KLHL14: variants seen among roughly 807,000 people sequenced by gnomAD.
The protein encoded by KLHL14 is kelch-like protein 14.
Under a neutral mutation model 64.3 loss-of-function variants are expected in KLHL14, and 22 were observed. The ratio of observed to expected loss-of-function variants is 0.34; its 90% CI spans 0.24 to 0.49. The LOEUF (loss-of-function observed/expected upper bound fraction) is 0.49, where lower values mean the gene tolerates loss of function less well. KLHL14 is among the 20% of genes least tolerant of loss of function. The probability of loss-of-function intolerance (pLI) is 0.99; values close to 1 mark genes in which losing one functional copy is unlikely to be tolerated. For missense variants in KLHL14, 661 were observed against 789.0 expected, an observed-to-expected ratio of 0.84 and a Z score of 1.94; for synonymous variants, 322 against 333.4, an observed-to-expected ratio of 0.97 and a Z score of 0.37.
intron 1 of KLHL14, among the ~76,000 whole-genome samples, chr18:32,771,874 C>T (rs567777036): frequency 6.6e-6 from 1 of 152,154 alleles, no homozygotes; most frequent in South Asian, 2.1e-4. Flanking sequence ...CCGCAGCTCC[C>T]TTCTGACCCC....
At chr18:32,719,239 C>T (rs202214755) in intron 3 of KLHL14, among the ~76,000 whole-genome samples, 7 of 152,250 alleles carry the variant, frequency 4.6e-5, no homozygotes, top group Admixed American at 3.3e-4. Flanking sequence ...TAAGCCACTG[C>T]GCCCAGCTGG....
At position 32,695,642 on chromosome 18, in the gene KLHL14, G is replaced by A. The variant is rs1036220720; in HGVS notation, c.1070-90C>T. ...CACTGGCTATTTGTTTCACTGAAGTGCATAAAATGTGAGACTGAGTCAGAG... is the reference window on the plus strand; with the variant it reads ...CACTGGCTATTTGTTTCACTGAAGTACATAAAATGTGAGACTGAGTCAGAG... On this transcript the variant is annotated intron_variant, in intron 3 of 8. Transcript: ENST00000359358. The A allele has an allele frequency of 3.3e-5, 26 of 782,568 alleles. No homozygotes were observed. In the Middle Eastern group the frequency reaches 1.4e-3, roughly 42 times the overall value. 48.5% of individuals were successfully genotyped at this position (782,568 alleles called of 1,614,324 possible). A position where few individuals can be genotyped will look rare whatever the true frequency, so the allele number is the denominator to read the frequency against.
intron 4 of KLHL14, among the ~76,000 whole-genome samples, chr18:32,691,647 C>A (rs1286395581): frequency 6.6e-6 from 1 of 152,044 alleles, no homozygotes; most frequent in Non-Finnish European, 1.5e-5. Flanking sequence ...GGATAATGAA[C>A]CTCAGGAAGA....
intron 4 of KLHL14, 102 bp downstream of exon 4, chr18:32,695,361 A>G: frequency 1.3e-6 from 1 of 752,794 alleles, no homozygotes; most frequent in South Asian, 1.5e-5. Context: ...CCCGTTGCAC[A>G]GAAATGTATT....
At chr18:32,700,539 C>T (rs985178777) in intron 3 of KLHL14, among the ~76,000 whole-genome samples, 6 of 152,276 alleles carry the variant, frequency 3.9e-5, no homozygotes, top group African/African-American at 1.4e-4. Flanking sequence ...ACACAAATGG[C>T]AGCAGCATAC....
intron 3 of KLHL14, among the ~76,000 whole-genome samples, chr18:32,712,808 A>G (rs2050026389): frequency 6.6e-6 from 1 of 152,112 alleles, no homozygotes; most frequent in East Asian, 1.9e-4. Flanking sequence ...ATTAACCTTC[A>G]TGTTGCTAAA....
intron 8 of KLHL14, among the ~76,000 whole-genome samples, chr18:32,675,079 G>T (rs2049804779): frequency 6.6e-6 from 1 of 152,080 alleles, no homozygotes; most frequent in South Asian, 2.1e-4. Flanking sequence ...AATTGGCTGG[G>T]CCCAGTGGCT....
In KLHL14 at chr18:32,770,392, G is replaced by A. The variant is rs2050376326; in HGVS notation, c.200C>T (p.Pro67Leu). The A allele has an allele frequency of 1.9e-6, 3 of 1,595,562 alleles. No homozygotes were observed. The highest frequency in any genetic ancestry group is 1.3e-5 in the African/African-American group (1 of 74,666). The change falls in exon 2 of 9, where the codon CCT becomes CTT. Residue 67 changes from proline to leucine, a missense_variant. Physicochemically the swap from Pro to Leu is moderately conservative, Grantham distance 98. Transcript: ENST00000359358. The surrounding 1 kb of genome is among the most constrained non-coding windows in gnomAD (Gnocchi z 6.7). ...CTGGCCGCCGACCCCTCCCCCGAGA[G>A]GGGGGTGGCTGGAGAAGAGCGATCG... is the stretch of plus-strand genomic sequence containing the variant. ...YFRSLFSSHPPLGGGVGGQDG... is the reference protein window; with the variant it reads ...YFRSLFSSHPLLGGGVGGQDG...
At chr18:32,752,102 G>A (rs1202119112) in intron 2 of KLHL14, among the ~76,000 whole-genome samples, 2 of 152,040 alleles carry the variant, frequency 1.3e-5, no homozygotes, top group Non-Finnish European at 2.9e-5. Flanking sequence ...ACTCCAGGCT[G>A]GGCAACAGAG....
intron 2 of KLHL14, among the ~76,000 whole-genome samples, chr18:32,767,835 T>G (rs895523019): frequency 2.6e-5 from 4 of 152,238 alleles, no homozygotes; most frequent in African/African-American, 9.6e-5. Flanking sequence ...AGTTAAATCT[T>G]AATTTTATTA....
intron 3 of KLHL14, among the ~76,000 whole-genome samples, chr18:32,715,882 C>A (rs1288070930): frequency 6.6e-6 from 1 of 152,034 alleles, no homozygotes; most frequent in Non-Finnish European, 1.5e-5. Context: ...CCATCAGGGC[C>A]CTTGAGCTGA....
rs1353821055 is a variant in KLHL14, at chr18:32,673,497, A to G, written c.*1160T>C. Reference sequence around the variant, plus strand: ...TGAATTCCTCATGCTCCTCAAGACAACTAGCAATTGCTCGCTTAACTGAGT... The same window carrying G: ...TGAATTCCTCATGCTCCTCAAGACAGCTAGCAATTGCTCGCTTAACTGAGT... On this transcript the variant is annotated 3_prime_UTR_variant, in exon 9 of 9. Coordinates refer to ENST00000359358, the MANE Select transcript of KLHL14 (RefSeq NM_020805.3). 6.6e-6 allele frequency: 1 copy of G among 152,172 alleles called. No individual in the cohort carries two copies. The highest frequency in any genetic ancestry group is 1.5e-5 in the Non-Finnish European group (1 of 68,034). The allele number at this position is 152,172 out of a possible 1,614,324, so 9.4% of individuals were successfully genotyped here.
At chr18:32,749,848 A>T (rs1009660990) in intron 2 of KLHL14, among the ~76,000 whole-genome samples, 4 of 152,164 alleles carry the variant, frequency 2.6e-5, no homozygotes, top group Non-Finnish European at 4.4e-5. Flanking sequence ...ACTCACAGAC[A>T]TGAGGATGGA....
At chr18:32,723,159 T>G (rs1019355973) in intron 3 of KLHL14, among the ~76,000 whole-genome samples, 2 of 152,166 alleles carry the variant, frequency 1.3e-5, no homozygotes, top group Non-Finnish European at 2.9e-5. Flanking sequence ...ATAAAGCAGC[T>G]AAGGTTTTAA....
intron 3 of KLHL14, among the ~76,000 whole-genome samples, chr18:32,708,117 T>C (rs772120561): frequency 1.3e-5 from 2 of 152,200 alleles, no homozygotes; most frequent in Non-Finnish European, 2.9e-5. Context: ...TATGTGAAGC[T>C]CATTCAATAA....
At chr18:32,742,142 G>C in intron 2 of KLHL14, 93 bp from the exon 3 acceptor site, 2 of 1,373,522 alleles carry the variant, frequency 1.5e-6, no homozygotes, top group Non-Finnish European at 2.0e-6. Flanking sequence ...AATGTTCCTT[G>C]CTTGCAGATA....
chr18:32,759,683 T>C (rs1463035443), intron 2 of KLHL14, among the ~76,000 whole-genome samples: 1 of 146,648 alleles, frequency 6.8e-6, no homozygotes, highest in Non-Finnish European at 1.5e-5. Flanking sequence ...TTTTAAGATA[T>C]CTGCATTATA....
At chr18:32,731,601 C>A (rs780660239) in intron 3 of KLHL14, among the ~76,000 whole-genome samples, 3 of 152,030 alleles carry the variant, frequency 2.0e-5, no homozygotes, top group Non-Finnish European at 4.4e-5. Context: ...TGTAACAAAC[C>A]TTCACATGTA....
chr18:32,770,413 G>C lies in KLHL14; in HGVS notation c.179C>G (p.Ser60Trp). The C allele has an allele frequency of 1.9e-6, 3 of 1,604,334 alleles. No individual in the cohort carries two copies. The highest frequency in any genetic ancestry group is 2.6e-6 in the Non-Finnish European group (3 of 1,174,446). Reference protein sequence around the residue: ...VLASCSQYFRSLFSSHPPLGG... With the variant: ...VLASCSQYFRWLFSSHPPLGG... Reference sequence around the variant, plus strand: ...GAGAGGGGGGTGGCTGGAGAAGAGCGATCGGAAGTACTGCGAGCAGGAGGC... The same window carrying C: ...GAGAGGGGGGTGGCTGGAGAAGAGCCATCGGAAGTACTGCGAGCAGGAGGC... The change falls in exon 2 of 9, where the codon TCG becomes TGG. Residue 60 changes from serine to tryptophan, a missense_variant. Ser to Trp is a radical substitution (Grantham distance 177). Transcript: ENST00000359358. The surrounding 1 kb of genome is among the most constrained non-coding windows in gnomAD (Gnocchi z 6.7).
Sources: gnomAD v4.1 joint callset for allele counts (sites outside exome capture counted in the v4.1 genomes callset) on GRCh38, gnomAD v4.1.1 for gene constraint, Gnocchi (gnomAD v3.1) non-coding constraint, MANE v1.5 for transcripts, NCBI Gene and HGNC (gene_info 2026-07-23, HGNC 2026-07-21) for gene names.